ZNF324B: variants seen among roughly 807,000 people sequenced by gnomAD.
The protein encoded by ZNF324B is zinc finger protein 324B.
ZNF324B carries 7 observed loss-of-function variants against 10.6 expected under a neutral mutation model. That is an observed-to-expected ratio of 0.66 (90% CI 0.38 to 1.24). ZNF324B has a LOEUF of 1.24. ZNF324B is among the 50% of genes most tolerant of loss of function. The pLI is 0.02. For missense variants in ZNF324B, 640 were observed against 764.7 expected (o/e 0.84, Z 1.92); for synonymous variants, 316 against 321.0 (o/e 0.98, Z 0.17).
At chr19:58,425,007 C>T in the ZNF324B span, among the ~76,000 whole-genome samples, 1 of 152,004 alleles carries the variant, frequency 6.6e-6, no homozygotes, top group Non-Finnish European at 1.5e-5. Flanking sequence ...TGTAATCCCA[C>T]CACTTTGGGA....
chr19:58,453,943 GT>G, intron 2 of ZNF324B, 121 bp downstream of exon 2: 1 of 1,427,472 alleles, frequency 7.0e-7, no homozygotes, highest in Non-Finnish European at 9.4e-7. Context: ...CAAGGGTCTG[GT>G]CCTGTAGACA....
At chr19:58,453,570 A>T in intron 1 of ZNF324B, 126 bp from the exon 2 acceptor site, 2 of 1,332,224 alleles carry the variant, frequency 1.5e-6, no homozygotes, top group East Asian at 4.6e-5. Flanking sequence ...CCACCTGAAG[A>T]TAATCTCGGG....
the ZNF324B span, chr19:58,439,689 T>A: frequency 6.9e-7 from 1 of 1,449,658 alleles, no homozygotes; most frequent in Non-Finnish European, 9.2e-7. Context: ...CAACATCCCC[T>A]CTATCTGGGC....
At chr19:58,433,988 G>A in the ZNF324B span, 1 of 1,614,224 alleles carries the variant, frequency 6.2e-7, no homozygotes, top group Non-Finnish European at 8.5e-7. Context: ...CATTCAAAAG[G>A]CCGTTCTCCA....
In ZNF324B at chr19:58,455,753, C is replaced by T. The variant is rs200594614; in HGVS notation, c.809C>T (p.Ser270Phe). 3 of 1,613,992 alleles carry T rather than the reference C, an allele frequency of 1.9e-6. No individual in the cohort carries two copies. In the East Asian group the frequency reaches 6.7e-5, roughly 36 times the overall value. Residue 270 changes from serine to phenylalanine, a missense_variant, in exon 4 of 4, where the codon TCC becomes TTC. Ser to Phe is a radical substitution (Grantham distance 155). Around this residue, in one of 3 missense-constraint regions of ZNF324B, gnomAD observed 345 missense variants for 387.9 expected, o/e 0.89. Coordinates refer to ENST00000336614, the MANE Select transcript of ZNF324B (RefSeq NM_207395.3). The surrounding 1 kb of genome is among the most constrained non-coding windows in gnomAD (Gnocchi z 7.0). The stretch of plus-strand genomic sequence containing the variant: ...TGCAGCAAAGTGTTCGTGAAGAGCT[C>T]CGACCTCCTCAAGCACCTACGCACC... ...RACSKVFVKS[S>F]DLLKHLRTHT...
chr19:58,454,532 C>T, intron 3 of ZNF324B, 188 bp downstream of exon 3: 1 of 594,852 alleles, frequency 1.7e-6, no homozygotes, highest in Non-Finnish European at 3.0e-6. Context: ...TCCAAGGGCA[C>T]AGGAGCTGGG....
the ZNF324B span, among the ~76,000 whole-genome samples, chr19:58,421,845 G>A: frequency 6.6e-6 from 1 of 152,144 alleles, no homozygotes; most frequent in Non-Finnish European, 1.5e-5. Context: ...TTCATGAACT[G>A]GAAGTCTCAA....
At chr19:58,429,262 T>A in the ZNF324B span, 1 of 152,240 alleles carries the variant, frequency 6.6e-6, no homozygotes, top group Non-Finnish European at 1.5e-5. Flanking sequence ...CATTAAGGCC[T>A]TTGTTATCTC....
chr19:58,452,753 C>T, intron 1 of ZNF324B: 1 of 664,442 alleles, frequency 1.5e-6, no homozygotes, highest in Non-Finnish European at 1.9e-6. Flanking sequence ...AGGCGATGAG[C>T]AGTCAGGCGT....
At chr19:58,434,865 A>C in the ZNF324B span, 2 of 1,614,194 alleles carry the variant, frequency 1.2e-6, no homozygotes, top group Non-Finnish European at 1.7e-6. Flanking sequence ...CTTCCCTGCA[A>C]GTGAAGGGGT....
intron 1 of ZNF324B, chr19:58,453,109 A>G (rs2052877731): frequency 6.6e-6 from 1 of 152,252 alleles, no homozygotes; most frequent in African/African-American, 2.4e-5. Flanking sequence ...AAATAAATAA[A>G]TAAATAAATA....
the ZNF324B span, among the ~76,000 whole-genome samples, chr19:58,436,667 CAAAAAAAAAAA>C: frequency 5.1e-3 from 332 of 65,550 alleles, 2 homozygotes; most frequent in Admixed American, 9.8e-3. Flanking sequence ...GACTCCATCT[CAAAAAAAAAAA>C]AAAAAAAAAA....
Position 58,455,967 on chromosome 19 carries a change from C to T in ZNF324B, c.1023C>T (p.Phe341=), listed in dbSNP as rs1272815281. 20 of 1,591,198 alleles carry T rather than the reference C, an allele frequency of 1.3e-5. No homozygotes were observed. The highest frequency in any genetic ancestry group is 1.8e-4 in the Middle Eastern group (1 of 5,618). The change falls in exon 4 of 4, where the codon TTC becomes TTT. Residue 341 remains phenylalanine, a synonymous_variant. Coordinates refer to ENST00000336614, the MANE Select transcript of ZNF324B (RefSeq NM_207395.3). The surrounding 1 kb of genome is among the most constrained non-coding windows in gnomAD (Gnocchi z 7.0). ...GCATCCACACGGCCGAGAAGTCCTT[C>T]CGCTGCTCCGAGTGCGGCAAGGCCT... ...HQRIHTAEKS[F]RCSECGKAFS... is the part of the protein sequence containing the mutation.
Position 58,456,660 on chromosome 19 carries a change from C to T in ZNF324B, c.*81C>T. ...TAAAGGGTCCGAGTGCTCTTCAGAT[C>T]CACGATGGGGAAAAGCTCTGTGCCT... On this transcript the variant is annotated 3_prime_UTR_variant, in exon 4 of 4. Coordinates refer to ENST00000336614, the MANE Select transcript of ZNF324B (RefSeq NM_207395.3). The surrounding 1 kb of genome is among the most constrained non-coding windows in gnomAD (Gnocchi z 4.7). The T allele has an allele frequency of 6.8e-7, 1 of 1,475,960 alleles. No homozygotes were observed. Among genetic ancestry groups the T allele is most frequent in the Non-Finnish European group, 9.1e-7 (1 of 1,095,850 alleles). 91.4% of individuals were successfully genotyped at this position (1,475,960 alleles called of 1,614,324 possible). A position where few individuals can be genotyped will look rare whatever the true frequency, so the allele number is the denominator to read the frequency against.
At chr19:58,448,903 T>C (rs374435381), upstream of ZNF324B, among the ~76,000 whole-genome samples, 102 of 152,346 alleles carry the variant, frequency 6.7e-4, 2 homozygotes, top group South Asian at 0.02. Flanking sequence ...ACATTTTCTG[T>C]GGAGAAATTC....
At chr19:58,420,921 G>T in the ZNF324B span, among the ~76,000 whole-genome samples, 1 of 151,358 alleles carries the variant, frequency 6.6e-6, no homozygotes, top group Non-Finnish European at 1.5e-5. Flanking sequence ...GGCCAGGCTG[G>T]TCTCGAACTC....
intron 3 of ZNF324B, chr19:58,454,876 A>AG: frequency 1.8e-6 from 1 of 553,438 alleles, no homozygotes. Flanking sequence ...ATGGAAAGGG[A>AG]GGGGGTGGAA....
chr19:58,422,039 C>A, the ZNF324B span, among the ~76,000 whole-genome samples: 1 of 152,076 alleles, frequency 6.6e-6, no homozygotes, highest in Non-Finnish European at 1.5e-5. Context: ...TGCCTCAGCC[C>A]CCCAAGTAGC....
At chr19:58,426,415 G>A in the ZNF324B span, among the ~76,000 whole-genome samples, 1 of 152,206 alleles carries the variant, frequency 6.6e-6, no homozygotes, top group African/African-American at 2.4e-5. Context: ...CAGAAGTTCT[G>A]GTGGACACTG....
Sources: gnomAD v4.1 joint callset for allele counts (sites outside exome capture counted in the v4.1 genomes callset) on GRCh38, gnomAD v4.1.1 for gene constraint, gnomAD v4.1.1 regional missense constraint, Gnocchi (gnomAD v3.1) non-coding constraint, MANE v1.5 for transcripts, NCBI Gene and HGNC (gene_info 2026-07-23, HGNC 2026-07-21) for gene names.